The following MAPK10 variants were observed in gnomAD, a reference collection of about 807,000 sequenced individuals.
The protein encoded by MAPK10 is JNK3 alpha protein kinase.
In MAPK10, 25 loss-of-function variants were observed where a neutral mutation model predicts 59.3. The ratio of observed to expected loss-of-function variants is 0.42; its 90% CI spans 0.31 to 0.59. MAPK10 has a LOEUF of 0.59. Among genes scored for constraint, MAPK10 ranks in the 20% least tolerant of loss-of-function variants. The probability of loss-of-function intolerance (pLI) is 0.15; values close to 1 mark genes in which losing one functional copy is unlikely to be tolerated. For synonymous variants in MAPK10, 190 were observed against 200.5 expected (o/e 0.95, Z 0.44); for missense variants, 351 against 568.9 (o/e 0.62, Z 3.90).
chr4:86,300,843 T>C (rs2095456707), intron 2 of MAPK10: 1 of 148,870 alleles, frequency 6.7e-6, no homozygotes, highest in Admixed American at 6.7e-5. Context: ...TCTCTCTTCA[T>C]GACAACATCT....
At chr4:86,082,796 T>C (rs547041496) in intron 9 of MAPK10, among the ~76,000 whole-genome samples, 6 of 152,272 alleles carry the variant, frequency 3.9e-5, no homozygotes, top group Admixed American at 2.0e-4. Context: ...TACCCACAAA[T>C]TGTGTTTGCT....
chr4:86,218,275 CT>C (rs145946384), intron 2 of MAPK10, among the ~76,000 whole-genome samples: 6,091 of 152,112 alleles, frequency 0.04, 137 homozygotes, highest in African/African-American at 0.051. Flanking sequence ...GCCATCTCAG[CT>C]CACTGTAACC....
intron 4 of MAPK10, among the ~76,000 whole-genome samples, chr4:86,120,937 TA>T (rs2059134739): frequency 6.6e-6 from 1 of 152,166 alleles, no homozygotes; most frequent in Non-Finnish European, 1.5e-5. Flanking sequence ...AACTTTGCAA[TA>T]AAACCCTTCC....
chr4:86,334,719 A>C (rs1236034114), intron 2 of MAPK10, among the ~76,000 whole-genome samples: 1 of 151,070 alleles, frequency 6.6e-6, no homozygotes, highest in Non-Finnish European at 1.5e-5. Flanking sequence ...TCTGACACCC[A>C]CAGTATATTC....
intron 11 of MAPK10, among the ~76,000 whole-genome samples, chr4:86,048,172 A>T (rs2042859541): frequency 6.6e-6 from 1 of 152,024 alleles, no homozygotes; most frequent in Admixed American, 6.6e-5. Context: ...CTGACCATAC[A>T]CTATGCACCT....
intron 1 of MAPK10, among the ~76,000 whole-genome samples, chr4:86,370,101 T>C (rs1738525755): frequency 6.6e-6 from 1 of 152,188 alleles, no homozygotes. Context: ...ATGAACATTG[T>C]CCAATGGCCC....
rs188306266 is a variant in MAPK10, at chr4:86,505,588, A to T, written c.-263+88322T>A. Among the ~76,000 whole-genome samples, 714 of 150,056 alleles carry T rather than the reference A, an allele frequency of 4.8e-3. 4 individuals are homozygous for T. The highest frequency in any genetic ancestry group is 0.016 in the African/African-American group (653 of 41,020). On this transcript the variant is annotated intron_variant, in intron 1 of 4. Coordinates refer to the MAPK10 transcript ENST00000502302. ...GGCAACAGAGTGAGACCCTGTTTTT[A>T]AAAAAAAAAGTTTCCTTTTTTCATT...
chr4:86,244,967 C>T (rs886724175), intron 2 of MAPK10, among the ~76,000 whole-genome samples: 1 of 152,186 alleles, frequency 6.6e-6, no homozygotes, highest in Non-Finnish European at 1.5e-5. Context: ...CAGTATCTAA[C>T]ATTTGGGAAT....
At chr4:86,496,930 CACTA>C (rs1385496624) in intron 1 of MAPK10, among the ~76,000 whole-genome samples, 1 of 152,148 alleles carries the variant, frequency 6.6e-6, no homozygotes, top group Non-Finnish European at 1.5e-5. Flanking sequence ...AAAATGTCGG[CACTA>C]ACTAATCTCT....
intron 4 of MAPK10, chr4:86,119,625 A>C (rs1048010681): frequency 6.6e-6 from 1 of 150,998 alleles, no homozygotes; most frequent in Non-Finnish European, 1.5e-5. Flanking sequence ...GGAGAACTCT[A>C]TTAATGTATC....
chr4:86,537,025 A>T (rs1013088553), intron 1 of MAPK10, among the ~76,000 whole-genome samples: 2 of 152,132 alleles, frequency 1.3e-5, no homozygotes, highest in Admixed American at 1.3e-4. Flanking sequence ...GGGCAGGGTG[A>T]GGAGGGTACG....
At chr4:86,366,781 C>A (rs12644920) in intron 1 of MAPK10, among the ~76,000 whole-genome samples, 26,753 of 152,070 alleles carry the variant, frequency 0.18, 2,450 homozygotes, top group East Asian at 0.25. Context: ...TTTCTGAATC[C>A]AATTCTCAAG....
At chr4:86,021,015 G>A (rs936574801) in intron 13 of MAPK10, 1 of 152,274 alleles carries the variant, frequency 6.6e-6, no homozygotes, top group Admixed American at 6.5e-5. Flanking sequence ...TTTTGACAGG[G>A]TGCTGACTGG....
At chr4:86,069,768 AAAG>A (rs1290218633) in intron 9 of MAPK10, among the ~76,000 whole-genome samples, 5 of 152,248 alleles carry the variant, frequency 3.3e-5, no homozygotes, top group East Asian at 1.9e-4. Context: ...AAATAGAGGC[AAAG>A]AAGATGTCAG....
At position 86,168,753 on chromosome 4, in the gene MAPK10, T is replaced by C. The variant is rs900921659; in HGVS notation, c.67-9286A>G. Among the ~76,000 whole-genome samples, 3 of 152,150 alleles carry C rather than the reference T, an allele frequency of 2.0e-5. No homozygotes were observed. The East Asian group carries it at 5.8e-4, about 29-fold the overall frequency. On this transcript the variant is annotated intron_variant, in intron 3 of 13. Transcript: ENST00000641462. ...GCTGGAGATCTGAGAACGGGCAGAC[T>C]GCCTCCTCAAGTGGGTCCCTGACCC... is the stretch of plus-strand genomic sequence containing the variant.
intron 4 of MAPK10, among the ~76,000 whole-genome samples, chr4:86,145,948 C>T (rs1007601145): frequency 2.0e-5 from 3 of 152,126 alleles, no homozygotes; most frequent in Non-Finnish European, 4.4e-5. Flanking sequence ...ACCAATTTCA[C>T]AGAAAAGGAG....
intron 2 of MAPK10, among the ~76,000 whole-genome samples, chr4:86,199,123 C>A (rs2149327044): frequency 6.6e-6 from 1 of 152,090 alleles, no homozygotes; most frequent in Non-Finnish European, 1.5e-5. Context: ...GGGAAAATGC[C>A]ATTATTTAGT....
At chr4:86,485,538 C>A (rs938156101) in intron 1 of MAPK10, among the ~76,000 whole-genome samples, 7 of 152,138 alleles carry the variant, frequency 4.6e-5, no homozygotes, top group African/African-American at 1.7e-4. Flanking sequence ...AATGAATATG[C>A]AAATAGTTAA....
chr4:86,566,395 T>C (rs181079798), intron 1 of MAPK10, among the ~76,000 whole-genome samples: 8 of 152,298 alleles, frequency 5.3e-5, no homozygotes, highest in Admixed American at 3.9e-4. Context: ...AAGCATCCTG[T>C]TTCCTTCCTA....
Sources: allele counts gnomAD v4.1 joint callset (sites outside exome capture counted in the v4.1 genomes callset), GRCh38; gene constraint gnomAD v4.1.1; transcripts MANE v1.5; gene names NCBI Gene and HGNC (gene_info 2026-07-23, HGNC 2026-07-21).